The following BRDT variants were observed in gnomAD, a reference collection of about 807,000 sequenced individuals.
BRDT encodes the protein bromodomain testis associated, also known as bromodomain testis-specific protein.
A neutral mutation model predicts 113.9 loss-of-function variants in BRDT; 77 were observed. That is an observed-to-expected ratio of 0.68 (90% CI 0.56 to 0.82). The LOEUF is 0.82. BRDT is among the 40% of genes least tolerant of loss of function. The probability of loss-of-function intolerance (pLI) is 0.00; values close to 1 mark genes in which losing one functional copy is unlikely to be tolerated. For missense variants in BRDT, 1,027 were observed against 1,105.4 expected, an observed-to-expected ratio of 0.93 and a Z score of 1.01; for synonymous variants, 358 against 366.5, an observed-to-expected ratio of 0.98 and a Z score of 0.26.
intron 3 of BRDT, among the ~76,000 whole-genome samples, chr1:91,967,545 C>T (rs1021474950): frequency 2.6e-5 from 4 of 152,106 alleles, no homozygotes; most frequent in South Asian, 2.1e-4. Flanking sequence ...ATTACAGGCA[C>T]GCACCACCAC....
At chr1:91,971,219 C>A (rs1471802873) in intron 4 of BRDT, among the ~76,000 whole-genome samples, 1 of 152,102 alleles carries the variant, frequency 6.6e-6, no homozygotes, top group Non-Finnish European at 1.5e-5. Context: ...GGATCCACCC[C>A]TCATGACCCA....
In BRDT at chr1:91,960,032, TAAAAC is replaced by T. The variant is rs142515437; in HGVS notation, c.-37-2676_-37-2672del. On this transcript the variant is annotated intron_variant, in intron 1 of 18. Transcript: ENST00000399546. Reference sequence around the variant, plus strand: ...TCATACCTATTAGGATGGCTAGTATTAAAACAAAACAAAAAATTACTATTGGCAAG... The same window carrying T: ...TCATACCTATTAGGATGGCTAGTATTAAAACAAAAAATTACTATTGGCAAG... 7.6e-3 allele frequency among the ~76,000 whole-genome samples: 1,151 copies of T among 152,282 alleles called. 17 individuals are homozygous for T. Among genetic ancestry groups the T allele is most frequent in the African/African-American group, 0.026 (1,064 of 41,558 alleles).
intron 18 of BRDT, among the ~76,000 whole-genome samples, chr1:92,011,424 TG>T (rs1279701760): frequency 8.5e-5 from 13 of 152,238 alleles, no homozygotes; most frequent in Admixed American, 3.9e-4. Context: ...ATTGTCTTTT[TG>T]GAGGTTTTTA....
intron 4 of BRDT, among the ~76,000 whole-genome samples, chr1:91,975,514 A>G (rs1684050395): frequency 6.6e-6 from 1 of 152,200 alleles, no homozygotes; most frequent in South Asian, 2.1e-4. Context: ...TGAGTTGTGC[A>G]CTGATGATGC....
At position 91,980,910 on chromosome 1, in the gene BRDT, A is replaced by G. The variant is rs774572503; in HGVS notation, c.1482A>G (p.Gln494=). The change falls in exon 10 of 19, where the codon CAA becomes CAG. Residue 494 remains glutamine, a synonymous_variant. Coordinates refer to ENST00000399546, the MANE Select transcript of BRDT (RefSeq NM_207189.4). The part of the protein sequence containing the change: ...SKRNQPKKRK[Q]QFIGLKSEDE... ...ACAGTCAGCCAAAGAAAAGGAAACA[A>G]CAGTTCATTGGTCTAAAATCTGAAG... is the stretch of plus-strand genomic sequence containing the variant. 3 of 1,608,070 alleles carry G rather than the reference A, an allele frequency of 1.9e-6. No homozygotes were observed. Among genetic ancestry groups the G allele is most frequent in the South Asian group, 1.1e-5 (1 of 89,196 alleles).
chr1:91,951,795 G>A (rs1382143665), intron 1 of BRDT, among the ~76,000 whole-genome samples: 1 of 152,026 alleles, frequency 6.6e-6, no homozygotes, highest in East Asian at 1.9e-4. Context: ...GGTGGCTCAG[G>A]CCTGTAATCC....
intron 18 of BRDT, among the ~76,000 whole-genome samples, chr1:92,005,734 A>G (rs1165737476): frequency 6.6e-6 from 1 of 152,186 alleles, no homozygotes; most frequent in East Asian, 1.9e-4. Flanking sequence ...AATAATACCT[A>G]TTGTGAAGGT....
intron 1 of BRDT, among the ~76,000 whole-genome samples, chr1:91,954,472 A>G (rs1191463050): frequency 3.3e-5 from 5 of 151,676 alleles, no homozygotes; most frequent in Non-Finnish European, 7.4e-5. Flanking sequence ...TAGACACAAG[A>G]TCTCACTCTG....
At chr1:91,988,425 G>A (rs1044925708) in intron 12 of BRDT, among the ~76,000 whole-genome samples, 4 of 151,664 alleles carry the variant, frequency 2.6e-5, no homozygotes, top group African/African-American at 7.3e-5. Context: ...TTTTGAGACG[G>A]CATCTTGCTC....
At chr1:91,991,123 T>A (rs991473056) in intron 12 of BRDT, 61 bp from the exon 13 acceptor site, 10 of 1,124,528 alleles carry the variant, frequency 8.9e-6, no homozygotes, top group Non-Finnish European at 1.1e-5. Flanking sequence ...TATGGAAAAA[T>A]TATAACTTGG....
chr1:92,012,900 ACT>A (rs1165348848), intron 18 of BRDT, among the ~76,000 whole-genome samples: 3 of 142,192 alleles, frequency 2.1e-5, no homozygotes, highest in Non-Finnish European at 3.0e-5. Flanking sequence ...ACAGATTGAG[ACT>A]CTGTCACAAG....
intron 1 of BRDT, among the ~76,000 whole-genome samples, chr1:91,951,516 G>T (rs1286796166): frequency 6.6e-6 from 1 of 152,104 alleles, no homozygotes; most frequent in East Asian, 1.9e-4. Flanking sequence ...GAAAAAAAAG[G>T]CTGGGCGCGG....
In BRDT at chr1:91,965,710, G is replaced by T. The variant is rs1682987261; in HGVS notation, c.330+946G>T. On this transcript the variant is annotated intron_variant, in intron 3 of 18. Transcript: ENST00000399546. ...AGAAATACAAAAATTAGCTGGGCAT[G>T]GTGGCATGTGCCTGTAGTCCCAGCT... Among the ~76,000 whole-genome samples, 5 of 152,202 alleles carry T rather than the reference G, an allele frequency of 3.3e-5. No individual in the cohort carries two copies. In the South Asian group the frequency reaches 1.0e-3, roughly 32 times the overall value.
At chr1:91,958,325 C>G (rs888069716) in intron 1 of BRDT, among the ~76,000 whole-genome samples, 1 of 150,504 alleles carries the variant, frequency 6.6e-6, no homozygotes, top group Non-Finnish European at 1.5e-5. Flanking sequence ...AAGCGATTCT[C>G]ATGCCTCGGC....
chr1:91,997,609 C>A (rs572152792), intron 15 of BRDT, among the ~76,000 whole-genome samples: 2 of 152,254 alleles, frequency 1.3e-5, no homozygotes, highest in Admixed American at 1.3e-4. Context: ...TAAGAAAACA[C>A]CCTATCTATG....
chr1:91,984,315 A>G (rs1347354362), intron 12 of BRDT, among the ~76,000 whole-genome samples: 1 of 152,116 alleles, frequency 6.6e-6, no homozygotes, highest in African/African-American at 2.4e-5. Flanking sequence ...AACTAAGAAC[A>G]TTTTTTACTT....
At chr1:91,979,011 A>ACAACAAC (rs554760897) in intron 7 of BRDT, among the ~76,000 whole-genome samples, 1 of 130,814 alleles carries the variant, frequency 7.6e-6, no homozygotes, top group Non-Finnish European at 1.6e-5. Context: ...AAAAAAAAAA[A>ACAACAAC]AACAACAACA....
At chr1:91,951,785 G>C (rs555876082) in intron 1 of BRDT, among the ~76,000 whole-genome samples, 1 of 152,016 alleles carries the variant, frequency 6.6e-6, no homozygotes, top group Admixed American at 6.6e-5. Flanking sequence ...GGGAAGGTGA[G>C]GTGGCTCAGG....
At chr1:91,977,471 T>G in intron 6 of BRDT, 78 bp downstream of exon 6, 1 of 1,229,138 alleles carries the variant, frequency 8.1e-7, no homozygotes, top group Admixed American at 2.6e-5. Context: ...AATCTTAAAA[T>G]CTAGAAAAAG....
Sources: gnomAD v4.1 joint callset for allele counts (sites outside exome capture counted in the v4.1 genomes callset) on GRCh38, gnomAD v4.1.1 for gene constraint, MANE v1.5 for transcripts, NCBI Gene and HGNC (gene_info 2026-07-23, HGNC 2026-07-21) for gene names.